Variants in TAFA5 observed in about 807,000 individuals in gnomAD.
The protein encoded by TAFA5 is TAFA chemokine like family member 5.
A neutral mutation model predicts 15.3 loss-of-function variants in TAFA5; 6 were observed. The ratio of observed to expected loss-of-function variants is 0.39; its 90% CI spans 0.21 to 0.77. The LOEUF is 0.77. Among genes scored for constraint, TAFA5 ranks in the 30% least tolerant of loss-of-function variants. The pLI, the probability that TAFA5 is intolerant of heterozygous loss-of-function variation, is 0.41. For missense variants in TAFA5, 161 were observed against 193.1 expected (o/e 0.83, Z 0.98); for synonymous variants, 103 against 80.7 (o/e 1.28, Z -1.48).
At chr22:48,746,037 T>G (rs896446920) in intron 3 of TAFA5, among the ~76,000 whole-genome samples, 1 of 152,136 alleles carries the variant, frequency 6.6e-6, no homozygotes, top group Non-Finnish European at 1.5e-5. Flanking sequence ...GAGACAGCGA[T>G]GGGCTGGGGT....
chr22:48,499,724 C>T (rs755254217), intron 1 of TAFA5, among the ~76,000 whole-genome samples: 6 of 152,240 alleles, frequency 3.9e-5, no homozygotes, highest in Non-Finnish European at 8.8e-5. Flanking sequence ...ACCTCTGCCA[C>T]CCCCAACCTT....
chr22:48,618,322 G>A (rs1444855032), intron 1 of TAFA5, among the ~76,000 whole-genome samples: 2 of 152,238 alleles, frequency 1.3e-5, no homozygotes, highest in Non-Finnish European at 2.9e-5. Flanking sequence ...CCAGGAGCCT[G>A]TGCACTGACG....
intron 1 of TAFA5, among the ~76,000 whole-genome samples, chr22:48,510,889 C>T (rs1337185500): frequency 6.6e-6 from 1 of 152,236 alleles, no homozygotes; most frequent in Non-Finnish European, 1.5e-5. Context: ...CTCAAAAGCA[C>T]TTGAGGACTT....
chr22:48,745,894 C>T (rs1300324246), intron 3 of TAFA5, among the ~76,000 whole-genome samples: 2 of 152,214 alleles, frequency 1.3e-5, no homozygotes, highest in African/African-American at 2.4e-5. Flanking sequence ...TCACCACACA[C>T]GCGTCAGAGG....
intron 1 of TAFA5, among the ~76,000 whole-genome samples, chr22:48,522,628 C>T (rs1261800645): frequency 6.6e-6 from 1 of 152,324 alleles, no homozygotes; most frequent in East Asian, 1.9e-4. Context: ...GGCCTGAGTC[C>T]TCTCATCCGC....
intron 3 of TAFA5, among the ~76,000 whole-genome samples, chr22:48,740,684 G>T (rs992178937): frequency 3.9e-5 from 6 of 152,218 alleles, no homozygotes; most frequent in African/African-American, 1.4e-4. Context: ...CATGTCACGT[G>T]TCCACCCCTG....
At chr22:48,722,061 G>A (rs2147261484) in intron 3 of TAFA5, among the ~76,000 whole-genome samples, 3 of 152,232 alleles carry the variant, frequency 2.0e-5, no homozygotes, top group African/African-American at 7.2e-5. Flanking sequence ...ACCCAGTTAT[G>A]GGATTGCTGG....
chr22:48,690,966 C>G (rs573910218), intron 2 of TAFA5, among the ~76,000 whole-genome samples: 1 of 152,312 alleles, frequency 6.6e-6, no homozygotes, highest in South Asian at 2.1e-4. Context: ...AGAGCGCCCA[C>G]AGCATCTGCC....
At chr22:48,582,903 A>G (rs1202427274) in intron 1 of TAFA5, among the ~76,000 whole-genome samples, 1 of 146,932 alleles carries the variant, frequency 6.8e-6, no homozygotes, top group African/African-American at 2.5e-5. Flanking sequence ...AAAGTACACC[A>G]CACACAAAAT....
chr22:48,711,744 A>G (rs970316752), intron 3 of TAFA5, among the ~76,000 whole-genome samples: 1 of 152,186 alleles, frequency 6.6e-6, no homozygotes. Flanking sequence ...CCTAATGGCC[A>G]CGTTCTCAGA....
chr22:48,646,490 T>C, intron 1 of TAFA5, 107 bp from the exon 2 acceptor site: 1 of 1,409,804 alleles, frequency 7.1e-7, no homozygotes, highest in African/African-American at 1.4e-5. Context: ...CTCCCTGCCC[T>C]GTGGCCTGGC....
intron 1 of TAFA5, chr22:48,544,788 C>T (rs1230554626): frequency 8.5e-6 from 4 of 471,134 alleles, no homozygotes; most frequent in Middle Eastern, 3.2e-4. Context: ...GCTGTTACCA[C>T]GATCTAGGCG....
chr22:48,621,288 A>T (rs1031652880), intron 1 of TAFA5, among the ~76,000 whole-genome samples: 1 of 142,190 alleles, frequency 7.0e-6, no homozygotes, highest in Non-Finnish European at 1.5e-5. Flanking sequence ...CCAGCCATCC[A>T]TCCATTTATC....
intron 3 of TAFA5, among the ~76,000 whole-genome samples, chr22:48,726,961 A>C (rs1335893338): frequency 6.6e-6 from 1 of 152,196 alleles, no homozygotes; most frequent in Non-Finnish European, 1.5e-5. Context: ...TCCCTAGCTC[A>C]GAGCACACAT....
intron 1 of TAFA5, among the ~76,000 whole-genome samples, chr22:48,546,262 T>C (rs1342888447): frequency 6.6e-6 from 1 of 152,246 alleles, no homozygotes; most frequent in African/African-American, 2.4e-5. Flanking sequence ...TCCCAGCAGC[T>C]GAGGCTCCCA....
At chr22:48,647,546 G>C (rs1483247264) in intron 2 of TAFA5, among the ~76,000 whole-genome samples, 2 of 152,148 alleles carry the variant, frequency 1.3e-5, no homozygotes, top group African/African-American at 4.8e-5. Context: ...CCCACAGCCG[G>C]GACCTCCCCA....
intron 2 of TAFA5, among the ~76,000 whole-genome samples, chr22:48,693,031 C>T (rs554643313): frequency 1.3e-5 from 2 of 152,360 alleles, no homozygotes; most frequent in East Asian, 1.9e-4. Context: ...CTCAGCAGAA[C>T]TCAGCAGCGT....
In TAFA5 at chr22:48,522,028, C is replaced by T. The variant is rs545844096; in HGVS notation, c.112+32324C>T. ...GGGGAGCGCATGGTTACTTCCCTTGCGGCCTTATTCCTTAGGATAGGTATT... is the reference window on the plus strand; with the variant it reads ...GGGGAGCGCATGGTTACTTCCCTTGTGGCCTTATTCCTTAGGATAGGTATT... On this transcript the variant is annotated intron_variant, in intron 1 of 3. Coordinates refer to ENST00000402357, the MANE Select transcript of TAFA5 (RefSeq NM_001082967.3). Among the ~76,000 whole-genome samples the T allele has an allele frequency of 8.5e-5, 13 of 152,352 alleles. No individual in the cohort carries two copies. The East Asian group carries it at 1.5e-3, about 18-fold the overall frequency.
intron 1 of TAFA5, among the ~76,000 whole-genome samples, chr22:48,571,945 TA>T (rs1243543512): frequency 6.6e-6 from 1 of 152,168 alleles, no homozygotes; most frequent in Non-Finnish European, 1.5e-5. Flanking sequence ...CCCTAGACCT[TA>T]AAATGGTCCA....
Sources: gnomAD v4.1 joint callset for allele counts (sites outside exome capture counted in the v4.1 genomes callset) on GRCh38, gnomAD v4.1.1 for gene constraint, MANE v1.5 for transcripts, NCBI Gene and HGNC (gene_info 2026-07-23, HGNC 2026-07-21) for gene names.